The following NXN variants were observed in gnomAD, a reference collection of about 807,000 sequenced individuals.
NXN encodes the protein nucleoredoxin 1.
Under a neutral mutation model 48.6 loss-of-function variants are expected in NXN, and 16 were observed. The observed-to-expected ratio is 0.33, with a 90% CI of 0.22 to 0.50. The LOEUF (loss-of-function observed/expected upper bound fraction) is 0.50, where lower values mean the gene tolerates loss of function less well. Among genes scored for constraint, NXN ranks in the 20% least tolerant of loss-of-function variants. NXN has a pLI of 0.98. For missense variants in NXN, 492 were observed against 605.5 expected (o/e 0.81, Z 1.97); for synonymous variants, 281 against 269.6 (o/e 1.04, Z -0.41).
chr17:800,780 C>A lies in NXN; in HGVS notation c.*169G>T. On this transcript the variant is annotated 3_prime_UTR_variant, in exon 8 of 8. Coordinates refer to ENST00000336868, the MANE Select transcript of NXN (RefSeq NM_022463.5). ...GGACTCTGCCGCTGCTGATTCCACACCCCAGGGTGCTGGCTGAGGAGTTTA... is the reference window on the plus strand; with the variant it reads ...GGACTCTGCCGCTGCTGATTCCACAACCCAGGGTGCTGGCTGAGGAGTTTA... The A allele has an allele frequency of 2.3e-6, 1 of 428,102 alleles. No individual in the cohort carries two copies. The highest frequency in any genetic ancestry group is 4.0e-6 in the Non-Finnish European group (1 of 247,302). The allele number at this position is 428,102 out of a possible 1,614,324, so 26.5% of individuals were successfully genotyped here.
intron 5 of NXN, among the ~76,000 whole-genome samples, chr17:810,618 G>A (rs186075558): frequency 7.9e-5 from 12 of 152,204 alleles, no homozygotes; most frequent in African/African-American, 2.2e-4. Flanking sequence ...AGCCGGGCAC[G>A]GTGGCTCACA....
chr17:819,233 G>A (rs568826766), intron 5 of NXN: 1 of 581,912 alleles, frequency 1.7e-6, no homozygotes, highest in Non-Finnish European at 3.1e-6. Context: ...AGTGTGAGCT[G>A]CCATGCCCGG....
Position 953,523 on chromosome 17 carries a change from T to C in NXN, c.360+25796A>G, listed in dbSNP as rs577040962. Among the ~76,000 whole-genome samples the C allele has an allele frequency of 2.6e-5, 4 of 152,286 alleles. No individual in the cohort carries two copies. The South Asian group carries it at 8.3e-4, about 32-fold the overall frequency. ...CGAACTCTAAGGAACAGGAGAAACA[T>C]TTTTATAACTTCCTCGCGCCCAGCA... On this transcript the variant is annotated intron_variant, in intron 1 of 7. Transcript: ENST00000336868.
intron 1 of NXN, among the ~76,000 whole-genome samples, chr17:957,586 C>CA (rs1434987251): frequency 2.0e-5 from 3 of 149,032 alleles, no homozygotes; most frequent in Non-Finnish European, 4.4e-5. Context: ...GAGCCAAGAT[C>CA]AAGCCACTGC....
intron 1 of NXN, chr17:909,532 A>ATTTTTTT (rs10541312): frequency 1.0e-5 from 1 of 99,914 alleles, no homozygotes. Context: ...AAGGAAATGA[A>ATTTTTTT]TTTTTTTTTT....
At position 825,562 on chromosome 17, in the gene NXN, T is replaced by G. The variant is rs79076732; in HGVS notation, c.478+399A>C. 0.02 allele frequency: 3,413 copies of G among 172,762 alleles called. 108 individuals are homozygous for G. Among genetic ancestry groups the G allele is most frequent in the African/African-American group, 0.077 (3,202 of 41,720 alleles). The allele number at this position is 172,762 out of a possible 1,614,324, so 10.7% of individuals were successfully genotyped here. ...GGAGAGTGACACGGGGGCTGGGACTTCGCTATGTAATGTTTTAAAGAGGAA... is the reference window on the plus strand; with the variant it reads ...GGAGAGTGACACGGGGGCTGGGACTGCGCTATGTAATGTTTTAAAGAGGAA... On this transcript the variant is annotated intron_variant, in intron 2 of 7. Coordinates refer to ENST00000336868, the MANE Select transcript of NXN (RefSeq NM_022463.5). The surrounding 1 kb of genome is among the most constrained non-coding windows in gnomAD (Gnocchi z 4.1).
At chr17:828,772 A>G (rs1383122028) in intron 1 of NXN, among the ~76,000 whole-genome samples, 2 of 152,196 alleles carry the variant, frequency 1.3e-5, no homozygotes, top group Admixed American at 1.3e-4. Context: ...AACATCCTTA[A>G]GAGGTTCAAC....
intron 1 of NXN, among the ~76,000 whole-genome samples, chr17:937,227 G>A (rs201744524): frequency 1.3e-5 from 2 of 151,948 alleles, no homozygotes; most frequent in Non-Finnish European, 2.9e-5. Flanking sequence ...CGGGTGATCC[G>A]CCCGCCTCGG....
chr17:947,273 T>C (rs1448306500), intron 1 of NXN, among the ~76,000 whole-genome samples: 1 of 152,140 alleles, frequency 6.6e-6, no homozygotes, highest in Non-Finnish European at 1.5e-5. Flanking sequence ...GGTGCTGATG[T>C]GAGATGGACT....
intron 1 of NXN, among the ~76,000 whole-genome samples, chr17:843,596 T>C (rs1597656164): frequency 6.6e-6 from 1 of 151,488 alleles, no homozygotes; most frequent in South Asian, 2.1e-4. Context: ...CGGCTGGGAG[T>C]TTGCATAGGA....
chr17:863,565 A>T (rs2068063492), intron 1 of NXN, among the ~76,000 whole-genome samples: 1 of 152,084 alleles, frequency 6.6e-6, no homozygotes, highest in Non-Finnish European at 1.5e-5. Context: ...GGCTCAAGCG[A>T]TCCTCCTGAC....
At chr17:854,659 A>C (rs2067966375) in intron 1 of NXN, among the ~76,000 whole-genome samples, 1 of 131,668 alleles carries the variant, frequency 7.6e-6, no homozygotes, top group Non-Finnish European at 1.6e-5. Flanking sequence ...TGTCTCAAAA[A>C]AAAAAAAAAA....
intron 1 of NXN, among the ~76,000 whole-genome samples, chr17:954,367 C>A (rs1348210731): frequency 6.6e-6 from 1 of 152,092 alleles, no homozygotes; most frequent in Non-Finnish European, 1.5e-5. Flanking sequence ...GGTGACAGAG[C>A]AAGACTCCAT....
chr17:832,273 G>C (rs1913519332), intron 1 of NXN, among the ~76,000 whole-genome samples: 1 of 151,816 alleles, frequency 6.6e-6, no homozygotes, highest in Non-Finnish European at 1.5e-5. Context: ...CGCCTCCCAG[G>C]TTCACACCAT....
At chr17:908,289 G>C (rs2068599807) in intron 1 of NXN, among the ~76,000 whole-genome samples, 1 of 152,068 alleles carries the variant, frequency 6.6e-6, no homozygotes, top group South Asian at 2.1e-4. Flanking sequence ...TGTATTCCCA[G>C]CACTTTGGGA....
intron 1 of NXN, among the ~76,000 whole-genome samples, chr17:837,992 T>C (rs994049223): frequency 3.3e-5 from 5 of 152,176 alleles, no homozygotes; most frequent in Admixed American, 2.0e-4. Flanking sequence ...GAGCATGATA[T>C]ATGCCGCACA....
At chr17:915,496 A>G (rs1358787630) in intron 1 of NXN, among the ~76,000 whole-genome samples, 68 of 151,660 alleles carry the variant, frequency 4.5e-4, no homozygotes, top group Non-Finnish European at 2.7e-4. Context: ...TGTTGCCCAG[A>G]CTGGTCTCAA....
chr17:819,297 T>A, intron 5 of NXN, 142 bp downstream of exon 5: 1 of 711,584 alleles, frequency 1.4e-6, no homozygotes, highest in Non-Finnish European at 2.5e-6. Flanking sequence ...ATGAAAATTC[T>A]ACACTGCTGA....
intron 5 of NXN, among the ~76,000 whole-genome samples, chr17:806,109 G>T (rs1911488574): frequency 6.6e-6 from 1 of 150,872 alleles, no homozygotes; most frequent in Non-Finnish European, 1.5e-5. Flanking sequence ...ACAGCTGACT[G>T]CAGCCCCCGC....
Sources: gnomAD v4.1 joint callset for allele counts (sites outside exome capture counted in the v4.1 genomes callset) on GRCh38, gnomAD v4.1.1 for gene constraint, Gnocchi (gnomAD v3.1) non-coding constraint, MANE v1.5 for transcripts, NCBI Gene and HGNC (gene_info 2026-07-23, HGNC 2026-07-21) for gene names.